NEIL3: variants seen among roughly 807,000 people sequenced by gnomAD.
NEIL3 encodes the protein nei like DNA glycosylase 3.
NEIL3 carries 48 observed loss-of-function variants against 57.5 expected under a neutral mutation model. The ratio of observed to expected loss-of-function variants is 0.83; its 90% CI spans 0.66 to 1.06. The LOEUF (loss-of-function observed/expected upper bound fraction) is 1.06, where lower values mean the gene tolerates loss of function less well. Among genes scored for constraint, NEIL3 ranks in the 50% least tolerant of loss-of-function variants. NEIL3 has a pLI of 0.00. For synonymous variants in NEIL3, 261 were observed against 253.2 expected (o/e 1.03, Z -0.29); for missense variants, 717 against 739.1 (o/e 0.97, Z 0.35).
chr4:177,310,738 TA>T (rs1734461435), intron 1 of NEIL3, among the ~76,000 whole-genome samples: 1 of 152,250 alleles, frequency 6.6e-6, no homozygotes, highest in East Asian at 1.9e-4. Flanking sequence ...GACGATGTGG[TA>T]TTCATTTGGC....
chr4:177,363,668 C>T (rs888495183), downstream of NEIL3, among the ~76,000 whole-genome samples: 2 of 152,202 alleles, frequency 1.3e-5, no homozygotes, highest in East Asian at 1.9e-4. Context: ...ATGTTAATTA[C>T]ACGGAAATGT....
At chr4:177,363,751 G>A (rs758812043), downstream of NEIL3, among the ~76,000 whole-genome samples, 2 of 152,052 alleles carry the variant, frequency 1.3e-5, no homozygotes, top group African/African-American at 2.4e-5. Context: ...GGATCTATAT[G>A]AGGAAACTTT....
At chr4:177,323,232 A>T (rs936470143) in intron 2 of NEIL3, among the ~76,000 whole-genome samples, 2 of 152,176 alleles carry the variant, frequency 1.3e-5, no homozygotes, top group African/African-American at 4.8e-5. Flanking sequence ...CTTTGAGTTA[A>T]TATGTCTACC....
intron 2 of NEIL3, among the ~76,000 whole-genome samples, chr4:177,326,571 AG>A (rs2111121409): frequency 6.6e-6 from 1 of 150,744 alleles, no homozygotes; most frequent in East Asian, 2.0e-4. Flanking sequence ...TTTTAGACTT[AG>A]CTTGTTGATT....
chr4:177,326,210 G>C (rs1359411241), intron 2 of NEIL3, among the ~76,000 whole-genome samples: 5 of 151,996 alleles, frequency 3.3e-5, no homozygotes, highest in Admixed American at 6.6e-5. Context: ...GATCTATTTT[G>C]AGTTCTTTTT....
At chr4:177,336,450 C>T (rs928101122) in intron 4 of NEIL3, 129 bp downstream of exon 4, 1 of 707,678 alleles carries the variant, frequency 1.4e-6, no homozygotes, top group Non-Finnish European at 2.3e-6. Flanking sequence ...CTTCCCATTT[C>T]TACCCAGGTC....
At chr4:177,339,293 T>C (rs1207489965) in intron 4 of NEIL3, among the ~76,000 whole-genome samples, 1 of 152,176 alleles carries the variant, frequency 6.6e-6, no homozygotes, top group African/African-American at 2.4e-5. Flanking sequence ...AAGAAATTGT[T>C]ATTAAGAATA....
chr4:177,350,552 C>A (rs1373580781), intron 6 of NEIL3, among the ~76,000 whole-genome samples: 1 of 152,098 alleles, frequency 6.6e-6, no homozygotes, highest in Admixed American at 6.5e-5. Flanking sequence ...AAAGAGATAT[C>A]TTTTTTCATC....
intron 1 of NEIL3, among the ~76,000 whole-genome samples, chr4:177,320,835 A>G (rs1222233719): frequency 6.6e-6 from 1 of 152,128 alleles, no homozygotes; most frequent in East Asian, 1.9e-4. Flanking sequence ...TTGATTCTCC[A>G]GTTCTTAAAC....
intron 2 of NEIL3, among the ~76,000 whole-genome samples, chr4:177,327,595 C>T (rs1017025712): frequency 6.6e-6 from 1 of 152,082 alleles, no homozygotes; most frequent in African/African-American, 2.4e-5. Context: ...GTCCCCCACA[C>T]CCTATATGCC....
downstream of NEIL3, among the ~76,000 whole-genome samples, chr4:177,363,726 A>G (rs1239434220): frequency 6.6e-6 from 1 of 152,190 alleles, no homozygotes; most frequent in African/African-American, 2.4e-5. Context: ...TCCTTATCCT[A>G]ATAAGAAATG....
intron 1 of NEIL3, among the ~76,000 whole-genome samples, chr4:177,314,848 C>T (rs1462428039): frequency 2.6e-5 from 4 of 151,962 alleles, no homozygotes; most frequent in African/African-American, 9.7e-5. Context: ...GAGGCTGAGG[C>T]GGGCAGATCA....
intron 1 of NEIL3, among the ~76,000 whole-genome samples, chr4:177,312,581 A>G (rs1475965049): frequency 6.6e-6 from 1 of 152,226 alleles, no homozygotes; most frequent in Admixed American, 6.5e-5. Flanking sequence ...TGATAATATA[A>G]TACAAATGCG....
chr4:177,335,351 C>T (rs1688854205), intron 2 of NEIL3, among the ~76,000 whole-genome samples: 1 of 152,092 alleles, frequency 6.6e-6, no homozygotes, highest in Non-Finnish European at 1.5e-5. Context: ...CCAAGAGATG[C>T]TAGACTGTTC....
intron 9 of NEIL3, 129 bp from the exon 10 acceptor site, chr4:177,362,160 A>AT: frequency 1.8e-6 from 1 of 551,776 alleles, no homozygotes; most frequent in Non-Finnish European, 3.0e-6. Context: ...TTACTGGTCT[A>AT]TTTTACAATG....
At chr4:177,314,001 G>GA (rs889409629) in intron 1 of NEIL3, among the ~76,000 whole-genome samples, 34 of 152,042 alleles carry the variant, frequency 2.2e-4, no homozygotes, top group Admixed American at 6.5e-4. Context: ...CAAAGTGGGG[G>GA]AAAAAAATCG....
rs1404876654 is a variant in NEIL3, at chr4:177,362,357, T to G, written c.1704T>G (p.Ile568Met). The G allele has an allele frequency of 6.2e-7, 1 of 1,613,342 alleles. No individual in the cohort carries two copies. Among genetic ancestry groups the G allele is most frequent in the African/African-American group, 1.3e-5 (1 of 74,876 alleles). ...CCACCATGAAAACAGTATTGAAGAT[T>G]GGACCTAACAATGGAAAGAATTTTT... ...KRSTMKTVLK[I>M]GPNNGKNFFV... The change falls in exon 10 of 10, where the codon ATT becomes ATG. Residue 568 changes from isoleucine to methionine, a missense_variant. Transcript: ENST00000264596.
intron 1 of NEIL3, among the ~76,000 whole-genome samples, chr4:177,310,831 C>T (rs1221813168): frequency 6.6e-6 from 1 of 152,174 alleles, no homozygotes; most frequent in Non-Finnish European, 1.5e-5. Context: ...TATTTCATGC[C>T]TACATGCAAT....
At chr4:177,356,950 T>C (rs1735485690) in intron 8 of NEIL3, 1 of 152,186 alleles carries the variant, frequency 6.6e-6, no homozygotes, top group African/African-American at 2.4e-5. Context: ...AAGGCTCACA[T>C]AGGAGGGTGA....
Sources: allele counts gnomAD v4.1 joint callset (sites outside exome capture counted in the v4.1 genomes callset), GRCh38; gene constraint gnomAD v4.1.1; transcripts MANE v1.5; gene names NCBI Gene and HGNC (gene_info 2026-07-23, HGNC 2026-07-21).